Variants in NLGN4X observed in about 807,000 individuals in gnomAD.
NLGN4X encodes the protein neuroligin 4 X-linked.
Under a neutral mutation model 40.3 loss-of-function variants are expected in NLGN4X, and 3 were observed. The ratio of observed to expected loss-of-function variants is 0.07; its 90% CI spans 0.03 to 0.19. The LOEUF (loss-of-function observed/expected upper bound fraction) is 0.19. NLGN4X is among the 10% of genes least tolerant of loss of function. The probability of loss-of-function intolerance (pLI) is 1.00; values close to 1 mark genes in which losing one functional copy is unlikely to be tolerated. For missense variants in NLGN4X, 382 were observed against 708.3 expected (o/e 0.54, Z 5.23); for synonymous variants, 270 against 306.8 (o/e 0.88, Z 1.25).
intron 3 of NLGN4X, among the ~76,000 whole-genome samples, chrX:5,997,742 AT>A: frequency 9.2e-6 from 1 of 109,103 alleles, no homozygotes; most frequent in East Asian, 2.9e-4. Context: ...AGACTCATTT[AT>A]TTTAAAGGTG....
At chrX:5,981,492 C>G (rs1200707901) in intron 3 of NLGN4X, among the ~76,000 whole-genome samples, 2 of 106,746 alleles carry the variant, frequency 1.9e-5, no homozygotes, top group African/African-American at 3.4e-5. Context: ...ACTAGTAAAG[C>G]CTACTAGATA....
intron 1 of NLGN4X, among the ~76,000 whole-genome samples, chrX:6,208,928 C>T (rs773205154): frequency 3.1e-4 from 35 of 112,080 alleles, no homozygotes; most frequent in Admixed American, 6.6e-4. Flanking sequence ...GATACCTGCA[C>T]GCATACGTTT....
intron 3 of NLGN4X, among the ~76,000 whole-genome samples, chrX:5,928,838 T>G (rs1284405366): frequency 1.2e-5 from 1 of 85,300 alleles, no homozygotes; most frequent in Non-Finnish European, 2.5e-5. Flanking sequence ...GAAAGACTTA[T>G]TTTTTTTTTT....
At chrX:6,178,425 A>G (rs5915654) in intron 1 of NLGN4X, among the ~76,000 whole-genome samples, 8,187 of 111,317 alleles carry the variant, frequency 0.074, 240 homozygotes, top group East Asian at 0.15. Context: ...TTGTGGGAAG[A>G]TGCCATGTGT....
At chrX:6,227,974 G>A (rs756068393) in intron 1 of NLGN4X, 1 of 113,244 alleles carries the variant, frequency 8.8e-6, no homozygotes, top group African/African-American at 3.3e-5. Flanking sequence ...GGGGGTGGGG[G>A]GGGAGAGAAA....
At chrX:5,996,051 CCT>C (rs2035808522) in intron 3 of NLGN4X, among the ~76,000 whole-genome samples, 1 of 61,440 alleles carries the variant, frequency 1.6e-5, no homozygotes, top group Non-Finnish European at 4.4e-5. Flanking sequence ...TGAACAGATA[CCT>C]AAAAGTATCC....
intron 2 of NLGN4X, among the ~76,000 whole-genome samples, chrX:6,082,945 TGCG>T (rs1265932191): frequency 9.5e-5 from 9 of 94,444 alleles, no homozygotes; most frequent in East Asian, 3.2e-4. Context: ...TTTGCCATGA[TGCG>T]TTTTTTTCTT....
chrX:6,049,643 T>G (rs779883951), intron 2 of NLGN4X, among the ~76,000 whole-genome samples: 76 of 104,451 alleles, frequency 7.3e-4, no homozygotes, highest in Non-Finnish European at 1.2e-3. Context: ...ATCTGTCCTT[T>G]GTCCATTTAA....
At chrX:5,955,953 A>C (rs2034479490) in intron 3 of NLGN4X, among the ~76,000 whole-genome samples, 2 of 109,940 alleles carry the variant, frequency 1.8e-5, no homozygotes, top group Admixed American at 2.0e-4. Context: ...TCAACACCAT[A>C]AAAAGCATTC....
chrX:6,165,216 G>A (rs1179390262), intron 1 of NLGN4X, among the ~76,000 whole-genome samples: 2 of 111,838 alleles, frequency 1.8e-5, no homozygotes, highest in Non-Finnish European at 3.8e-5. Context: ...AAATAACCAA[G>A]GCTTCCAAGA....
intron 2 of NLGN4X, among the ~76,000 whole-genome samples, chrX:6,141,562 A>T (rs1017222000): frequency 3.6e-5 from 4 of 111,812 alleles, no homozygotes; most frequent in African/African-American, 6.5e-5. Context: ...GGTGGCTCAC[A>T]CCTGTAATCC....
intron 3 of NLGN4X, among the ~76,000 whole-genome samples, chrX:5,927,273 G>A (rs1157556657): frequency 1.8e-5 from 2 of 111,702 alleles, no homozygotes; most frequent in Non-Finnish European, 3.8e-5. Context: ...CCTTGGAATA[G>A]TTTCAGGAAG....
intron 3 of NLGN4X, among the ~76,000 whole-genome samples, chrX:5,987,603 C>G (rs2035565361): frequency 8.9e-6 from 1 of 111,782 alleles, no homozygotes; most frequent in Non-Finnish European, 1.9e-5. Flanking sequence ...ACCAGTTAAC[C>G]TCATGCATCT....
intron 2 of NLGN4X, among the ~76,000 whole-genome samples, chrX:6,081,949 C>T (rs1005182956): frequency 1.8e-5 from 2 of 112,021 alleles, no homozygotes; most frequent in Admixed American, 9.4e-5. Flanking sequence ...CCATGGGAAC[C>T]CTACATTTCT....
intron 2 of NLGN4X, among the ~76,000 whole-genome samples, chrX:6,058,964 T>C (rs764323601): frequency 1.8e-5 from 2 of 111,809 alleles, no homozygotes; most frequent in Non-Finnish European, 3.8e-5. Flanking sequence ...TACTGAAAGA[T>C]GAATCACAAA....
chrX:6,227,895 AC>A (rs1218683210), intron 1 of NLGN4X: 7 of 85,979 alleles, frequency 8.1e-5, no homozygotes, highest in South Asian at 1.6e-3. Context: ...GGTTAACAGC[AC>A]CCCCCCAACC....
chrX:6,112,076 A>G (rs1053459176), intron 2 of NLGN4X, among the ~76,000 whole-genome samples: 3 of 111,861 alleles, frequency 2.7e-5, no homozygotes, highest in African/African-American at 6.5e-5. Flanking sequence ...TTGCTGGTCT[A>G]CCTTCTAGAT....
chrX:6,064,221 T>C (rs755384027), intron 2 of NLGN4X, among the ~76,000 whole-genome samples: 1 of 110,798 alleles, frequency 9.0e-6, no homozygotes, highest in Non-Finnish European at 1.9e-5. Context: ...TCTTGCAAAG[T>C]TGGGTTCAAG....
At chrX:6,064,264 T>A (rs1287541635) in intron 2 of NLGN4X, among the ~76,000 whole-genome samples, 1 of 111,182 alleles carries the variant, frequency 9.0e-6, no homozygotes, top group Non-Finnish European at 1.9e-5. Flanking sequence ...CGACTCTACA[T>A]GACAGCAAAT....
Sources: gnomAD v4.1 joint callset for allele counts (sites outside exome capture counted in the v4.1 genomes callset) on GRCh38, gnomAD v4.1.1 for gene constraint, MANE v1.5 for transcripts, NCBI Gene and HGNC (gene_info 2026-07-23, HGNC 2026-07-21) for gene names.